The following DMTN variants were observed in gnomAD, a reference collection of about 807,000 sequenced individuals.
The protein encoded by DMTN is dematin.
Under a neutral mutation model 59.4 loss-of-function variants are expected in DMTN, and 27 were observed. The observed-to-expected ratio is 0.45, with a 90% confidence interval of 0.33 to 0.63. DMTN has a LOEUF of 0.63. Ranked by LOEUF, DMTN falls within the 20% of genes least tolerant of loss-of-function variation. The pLI, the probability that DMTN is intolerant of heterozygous loss-of-function variation, is 0.02. For synonymous variants in DMTN, 221 were observed against 203.7 expected (o/e 1.08, Z -0.72); for missense variants, 451 against 528.9 (o/e 0.85, Z 1.45).
upstream of DMTN, among the ~76,000 whole-genome samples, chr8:22,049,703 C>A (rs1481064827): frequency 2.0e-5 from 3 of 152,138 alleles, no homozygotes; most frequent in African/African-American, 7.2e-5. Flanking sequence ...GGATGTCCCC[C>A]AGCCTCAGTT....
chr8:22,065,827 C>CTTT (rs76626050), intron 1 of DMTN, among the ~76,000 whole-genome samples: 3 of 74,592 alleles, frequency 4.0e-5, no homozygotes, highest in African/African-American at 1.6e-4. Flanking sequence ...AGAGCAAGAC[C>CTTT]TTTTTTTTTT....
chr8:22,081,895 C>G lies in DMTN; in HGVS notation c.*432C>G, dbSNP rs1824462425. The G allele has an allele frequency of 2.2e-6, 1 of 450,436 alleles. No homozygotes were observed. The highest frequency in any genetic ancestry group is 4.4e-6 in the Non-Finnish European group (1 of 225,770). The allele number at this position is 450,436 out of a possible 1,614,324, so 27.9% of individuals were successfully genotyped here. A position where few individuals can be genotyped will look rare whatever the true frequency, so the allele number is the denominator to read the frequency against. ...GTCGCCCACCCAGCCCTCCCATACT[C>G]ACTCCTGACAGCTTTCCTGCACTGC... On this transcript the variant is annotated 3_prime_UTR_variant, in exon 16 of 16. Coordinates refer to ENST00000358242, the MANE Select transcript of DMTN (RefSeq NM_001387751.1).
chr8:22,067,768 T>G, intron 4 of DMTN, 86 bp downstream of exon 4: 1 of 1,497,748 alleles, frequency 6.7e-7, no homozygotes, highest in Admixed American at 2.0e-5. Flanking sequence ...GTGCTTCCTT[T>G]CCTGGAGGTC....
chr8:22,065,703 C>A (rs1217177846), intron 1 of DMTN, among the ~76,000 whole-genome samples: 1 of 152,056 alleles, frequency 6.6e-6, no homozygotes, highest in African/African-American at 2.4e-5. Context: ...ATTAGCCAGG[C>A]ACACGCCTGT....
At position 22,082,099 on chromosome 8, in the gene DMTN, A is replaced by T. The variant is rs1364439082; in HGVS notation, c.*636A>T. Reference sequence around the variant, plus strand: ...GGCTTAGGGTGGAGATGCCGCCTACACACGATCCTGGCCCTCCACCTGCCT... The same window carrying T: ...GGCTTAGGGTGGAGATGCCGCCTACTCACGATCCTGGCCCTCCACCTGCCT... On this transcript the variant is annotated 3_prime_UTR_variant, in exon 16 of 16. Coordinates refer to ENST00000358242, the MANE Select transcript of DMTN (RefSeq NM_001387751.1). The T allele has an allele frequency of 2.2e-6, 1 of 456,644 alleles. No homozygotes were observed. The highest frequency in any genetic ancestry group is 7.0e-5 in the East Asian group (1 of 14,358). 28.3% of individuals were successfully genotyped at this position (456,644 alleles called of 1,614,324 possible).
intron 10 of DMTN, among the ~76,000 whole-genome samples, chr8:22,077,650 C>T (rs181575686): frequency 9.0e-4 from 137 of 152,294 alleles, no homozygotes; most frequent in Admixed American, 7.5e-3. Context: ...ATTTTGGCCT[C>T]GTGAAGTTGA....
At chr8:22,054,644 G>C (rs1392967496), upstream of DMTN, 1 of 152,348 alleles carries the variant, frequency 6.6e-6, no homozygotes, top group African/African-American at 2.4e-5. Flanking sequence ...CTGCTCTCCA[G>C]CCCTGAATTA....
rs1001911727 is a variant in DMTN at position 22,080,388 on chromosome 8, C to T, written c.901-24C>T. 5 of 1,614,100 alleles carry T rather than the reference C, an allele frequency of 3.1e-6. No homozygotes were observed. In the Admixed American group the frequency reaches 6.7e-5, roughly 22 times the overall value. On this transcript the variant is annotated intron_variant, in intron 11 of 15. Transcript: ENST00000358242. ...CAAAGGTGAATATCCCCGACTGCCTCTGATTCCTTTGTGTCCTTTCTAGCT... is the reference window on the plus strand; with the variant it reads ...CAAAGGTGAATATCCCCGACTGCCTTTGATTCCTTTGTGTCCTTTCTAGCT...
At chr8:22,072,215 A>G (rs1012491941) in intron 8 of DMTN, 111 bp from the exon 9 acceptor site, 1 of 1,351,564 alleles carries the variant, frequency 7.4e-7, no homozygotes, top group East Asian at 2.9e-5. Context: ...AAAATTTTGT[A>G]GTGGCCTTAT....
Position 22,069,410 on chromosome 8 carries a change from G to T in DMTN, c.295-9G>T, listed in dbSNP as rs1448265904. ...AGGGGCCCTGGAGCCACACGCTTCT[G>T]CTCTGCAGGTGTGGGCGGACAGCCG... On this transcript the variant is annotated splice_polypyrimidine_tract_variant and intron_variant, in intron 5 of 15. Coordinates refer to ENST00000358242, the MANE Select transcript of DMTN (RefSeq NM_001387751.1). 1 of 1,611,446 alleles carries T rather than the reference G, an allele frequency of 6.2e-7. No homozygotes were observed. The highest frequency in any genetic ancestry group is 1.1e-5 in the South Asian group (1 of 90,832).
At chr8:22,050,063 C>T (rs1039512032), upstream of DMTN, among the ~76,000 whole-genome samples, 3 of 152,174 alleles carry the variant, frequency 2.0e-5, no homozygotes, top group East Asian at 1.9e-4. Context: ...CCCTACTGCT[C>T]GTCATAATTG....
upstream of DMTN, among the ~76,000 whole-genome samples, chr8:22,050,147 G>C (rs1050388338): frequency 1.3e-5 from 2 of 152,188 alleles, no homozygotes; most frequent in African/African-American, 4.8e-5. Context: ...CGCCGTGTTG[G>C]GGGTAGTTTT....
chr8:22,055,069 C>G (rs2129949498), upstream of DMTN: 1 of 152,910 alleles, frequency 6.5e-6, no homozygotes, highest in Admixed American at 6.5e-5. Flanking sequence ...CCCTACTCTG[C>G]CCTACATGCA....
upstream of DMTN, among the ~76,000 whole-genome samples, chr8:22,050,971 T>C (rs1174939717): frequency 1.3e-5 from 2 of 152,222 alleles, no homozygotes; most frequent in African/African-American, 4.8e-5. Context: ...AGATCCCTAA[T>C]GATGGCACTT....
intron 1 of DMTN, among the ~76,000 whole-genome samples, chr8:22,064,648 C>G (rs1008513675): frequency 1.2e-4 from 18 of 152,144 alleles, no homozygotes; most frequent in African/African-American, 4.3e-4. Context: ...TTAGTAGAGA[C>G]AGGGTTTCAC....
intron 1 of DMTN, among the ~76,000 whole-genome samples, chr8:22,064,636 T>A (rs2130783540): frequency 6.6e-6 from 1 of 152,310 alleles, no homozygotes; most frequent in Middle Eastern, 3.4e-3. Context: ...TTTTTTGTAT[T>A]TTTAGTAGAG....
Position 22,080,404 on chromosome 8 carries a change from C to T in DMTN, c.901-8C>T, listed in dbSNP as rs759128034. ...CGACTGCCTCTGATTCCTTTGTGTC[C>T]TTTCTAGCTACAGTCCACAGAGTTC... On this transcript the variant is annotated splice_region_variant and splice_polypyrimidine_tract_variant and intron_variant, in intron 11 of 15. Coordinates refer to ENST00000358242, the MANE Select transcript of DMTN (RefSeq NM_001387751.1). 103 of 1,614,100 alleles carry T rather than the reference C, an allele frequency of 6.4e-5. No individual in the cohort carries two copies. Among genetic ancestry groups the T allele is most frequent in the Non-Finnish European group, 8.5e-5 (100 of 1,180,048 alleles).
Position 22,073,757 on chromosome 8 carries a change from T to C in DMTN, c.757T>C (p.Leu253=). The C allele has an allele frequency of 6.2e-7, 1 of 1,613,700 alleles. No homozygotes were observed. The highest frequency in any genetic ancestry group is 8.5e-7 in the Non-Finnish European group (1 of 1,179,842). Residue 253 remains leucine (L), a synonymous_variant, in exon 10 of 16, where the codon TTG becomes CTG. Transcript: ENST00000358242. The part of the protein sequence containing the change: ...KVTSNLGKMI[L]KEEMEKSLPI... ...TACTTCCAACTTGGGAAAGATGATC[T>C]TGAAAGAAGAGATGGAAAAGTCATT... is the stretch of plus-strand genomic sequence containing the variant.
upstream of DMTN, among the ~76,000 whole-genome samples, chr8:22,050,898 C>G (rs989500285): frequency 6.6e-6 from 1 of 152,212 alleles, no homozygotes; most frequent in African/African-American, 2.4e-5. Context: ...GAAGTCTGTT[C>G]AGCTCATTCC....
Sources: gnomAD v4.1 joint callset for allele counts (sites outside exome capture counted in the v4.1 genomes callset) on GRCh38, gnomAD v4.1.1 for gene constraint, MANE v1.5 for transcripts, NCBI Gene and HGNC (gene_info 2026-07-23, HGNC 2026-07-21) for gene names.